TRIM77: variants seen among roughly 807,000 people sequenced by gnomAD.
TRIM77 encodes the protein tripartite motif-containing protein 77.
In TRIM77, 23 loss-of-function variants were observed where a neutral mutation model predicts 31.8. That is an observed-to-expected ratio of 0.72 (90% CI 0.52 to 1.02). TRIM77 has a LOEUF of 1.02. Among genes scored for constraint, TRIM77 ranks in the 50% least tolerant of loss-of-function variants. The pLI is 0.00. For synonymous variants in TRIM77, 159 were observed against 183.1 expected (o/e 0.87, Z 1.06); for missense variants, 446 against 539.2 (o/e 0.83, Z 1.71).
chr11:89,713,637 G>A (rs1488096362), intron 2 of TRIM77, among the ~76,000 whole-genome samples: 2 of 151,786 alleles, frequency 1.3e-5, no homozygotes, highest in African/African-American at 2.4e-5. Flanking sequence ...CAAACAATAG[G>A]GACAGAGACA....
intron 4 of TRIM77, 58 bp downstream of exon 4, chr11:89,715,238 G>C: frequency 6.7e-7 from 1 of 1,488,088 alleles, no homozygotes; most frequent in Non-Finnish European, 9.2e-7. Context: ...GGCTGTTTCT[G>C]CTGGGATCGA....
chr11:89,714,320 CAA>C lies in TRIM77; in HGVS notation c.637_638del (p.Lys213GlufsTer5). On this transcript the variant is annotated frameshift_variant, in exon 3 of 6. Transcript: ENST00000398290. LOFTEE classifies it high-confidence loss of function. The stretch of plus-strand genomic sequence containing the variant: ...AAGGCAGGATAATTTTTCAGCAACT[CAA>C]GAGAAGTCAAACTAGAATGGCTAAG... ...REGRIIFQQLKRSQTRMAKMG... is the reference protein window; with the variant it reads ...REGRIIFQQLXRSQTRMAKMG... 1.9e-6 allele frequency: 3 copies of C among 1,551,676 alleles called. No homozygotes were observed. Among genetic ancestry groups the C allele is most frequent in the Non-Finnish European group, 2.6e-6 (3 of 1,146,980 alleles).
chr11:89,714,270 A>C lies in TRIM77; in HGVS notation c.586A>C (p.Lys196Gln). 10 of 1,551,734 alleles carry C rather than the reference A, an allele frequency of 6.4e-6. No individual in the cohort carries two copies. Among genetic ancestry groups the C allele is most frequent in the Non-Finnish European group, 8.7e-6 (10 of 1,146,996 alleles). Residue 196 changes from lysine to glutamine, a missense_variant, in exon 3 of 6, where the codon AAG (lysine) becomes CAG (glutamine). Physicochemically the swap from Lys to Gln is moderately conservative, Grantham distance 53. Transcript: ENST00000398290. The part of the protein sequence containing the change: ...VCQYLREEEQ[K>Q]HVESLAREGR... Reference sequence around the variant, plus strand: ...TCAATACCTCCGTGAAGAAGAGCAAAAGCACGTAGAGAGCCTGGCAAGAGA... The same window carrying C: ...TCAATACCTCCGTGAAGAAGAGCAACAGCACGTAGAGAGCCTGGCAAGAGA...
chr11:89,714,492 T>C (rs1038284355), intron 3 of TRIM77, 70 bp downstream of exon 3: 1 of 1,034,212 alleles, frequency 9.7e-7, no homozygotes, highest in Non-Finnish European at 1.4e-6. Context: ...AGAGTCTATA[T>C]CCTTTTTGAT....
rs567693439 is a variant in TRIM77, at chr11:89,717,558, G to A, written c.1039G>A (p.Val347Met). Residue 347 changes from valine to methionine, a missense_variant, in exon 6 of 6, where the codon GTG becomes ATG. Transcript: ENST00000398290. ...SSGKHYWEVD[V>M]KDSCNWVIGL... is the part of the protein sequence containing the mutation. ...TGGCAAACATTACTGGGAGGTGGAT[G>A]TGAAAGACTCTTGTAATTGGGTTAT... 6.4e-7 allele frequency: 1 copy of A among 1,551,572 alleles called. No individual in the cohort carries two copies. Among genetic ancestry groups the A allele is most frequent in the Admixed American group, 2.0e-5 (1 of 50,978 alleles).
chr11:89,711,390 T>C lies in TRIM77; in HGVS notation c.412-20T>C, dbSNP rs1949121159. The C allele has an allele frequency of 7.9e-7, 1 of 1,271,626 alleles. No individual in the cohort carries two copies. The highest frequency in any genetic ancestry group is 1.1e-6 in the Non-Finnish European group (1 of 918,372). 78.8% of individuals were successfully genotyped at this position (1,271,626 alleles called of 1,614,324 possible). Reference sequence around the variant, plus strand: ...TATATTTTCTTTTCTAGTGCTCAGATTTATAGTTTTGTTTTTCAGAAGAAA... The same window carrying C: ...TATATTTTCTTTTCTAGTGCTCAGACTTATAGTTTTGTTTTTCAGAAGAAA... On this transcript the variant is annotated intron_variant, in intron 1 of 5. Transcript: ENST00000398290.
intron 5 of TRIM77, among the ~76,000 whole-genome samples, chr11:89,716,407 T>C (rs1364714109): frequency 6.6e-6 from 1 of 152,142 alleles, no homozygotes; most frequent in Non-Finnish European, 1.5e-5. Context: ...GATTGAAGTT[T>C]TAAGGAATAC....
In TRIM77 at chr11:89,717,614, G is replaced by T. The variant is rs1027747741; in HGVS notation, c.1095G>T (p.Arg365Ser). The change falls in exon 6 of 6, where the codon AGG becomes AGT. Residue 365 changes from arginine (R) to serine (S), a missense_variant. Arg to Ser is a moderately radical substitution (Grantham distance 110, BLOSUM62 -1). Coordinates refer to ENST00000398290, the MANE Select transcript of TRIM77 (RefSeq NM_001146162.1). The part of the protein sequence containing the change: ...IGLCREAWTK[R>S]NDMRLDSEGI... ...TTTGCAGAGAAGCCTGGACAAAGAG[G>T]AATGACATGCGACTTGACTCTGAGG... The T allele has an allele frequency of 2.6e-6, 4 of 1,551,300 alleles. No individual in the cohort carries two copies. In the Admixed American group the frequency reaches 7.8e-5, roughly 30 times the overall value.
intron 5 of TRIM77, among the ~76,000 whole-genome samples, chr11:89,717,011 A>C (rs904386510): frequency 6.6e-6 from 1 of 151,838 alleles, no homozygotes; most frequent in Non-Finnish European, 1.5e-5. Context: ...ATTTTCTTTC[A>C]TCTTAGTTGC....
chr11:89,715,190 C>T lies in TRIM77; in HGVS notation c.761+10C>T, dbSNP rs1253147147. On this transcript the variant is annotated intron_variant, in intron 4 of 5. Coordinates refer to ENST00000398290, the MANE Select transcript of TRIM77 (RefSeq NM_001146162.1). ...GAGACGTAATGAAAAGGTAAGTTTGCCCCTCTATCCAAGTCCTGGTAATTG... is the reference window on the plus strand; with the variant it reads ...GAGACGTAATGAAAAGGTAAGTTTGTCCCTCTATCCAAGTCCTGGTAATTG... 1 of 1,551,212 alleles carries T rather than the reference C, an allele frequency of 6.4e-7. No individual in the cohort carries two copies. The highest frequency in any genetic ancestry group is 1.2e-5 in the South Asian group (1 of 84,026).
chr11:89,710,374 G>C lies in TRIM77; in HGVS notation c.76G>C (p.Val26Leu), dbSNP rs780885434. 183 of 1,551,920 alleles carry C rather than the reference G, an allele frequency of 1.2e-4. 1 individual carries two copies. The highest frequency in any genetic ancestry group is 3.5e-6 in the Non-Finnish European group (4 of 1,147,038). The change falls in exon 1 of 6, where the codon GTC becomes CTC. Residue 26 changes from valine to leucine, a missense_variant. Val to Leu is a conservative substitution (Grantham distance 32). Transcript: ENST00000398290. Reference protein sequence around the residue: ...SICTDYLTDPVTICCGHRFCS... With the variant: ...SICTDYLTDPLTICCGHRFCS... Reference sequence around the variant, plus strand: ...CTGCACAGACTATTTGACAGACCCTGTCACCATTTGTTGTGGGCACAGATT... The same window carrying C: ...CTGCACAGACTATTTGACAGACCCTCTCACCATTTGTTGTGGGCACAGATT...
In TRIM77 at chr11:89,715,950, C is replaced by A. The variant is rs1267699538; in HGVS notation, c.822C>A (p.Thr274=). The A allele has an allele frequency of 6.5e-7, 1 of 1,548,210 alleles. No individual in the cohort carries two copies. The highest frequency in any genetic ancestry group is 2.4e-5 in the East Asian group (1 of 40,826). Residue 274 remains threonine, a synonymous_variant, in exon 5 of 6, where the codon ACC becomes ACA. Coordinates refer to ENST00000398290, the MANE Select transcript of TRIM77 (RefSeq NM_001146162.1). ...TGAACCCACAGCTCAGTGCATGGAC[C>A]ATCACTGGGGTGTCAGAAAGGCTTA... ...QPVNPQLSAW[T]ITGVSERLNF...
At chr11:89,714,066 T>C in intron 2 of TRIM77, 126 bp from the exon 3 acceptor site, 1 of 641,818 alleles carries the variant, frequency 1.6e-6, no homozygotes. Context: ...ATACTGTATT[T>C]GAAGTGGAAA....
intron 2 of TRIM77, among the ~76,000 whole-genome samples, chr11:89,712,171 C>T (rs188043774): frequency 1.1e-3 from 167 of 152,270 alleles, no homozygotes; most frequent in African/African-American, 3.1e-3. Flanking sequence ...TCAAAGATCT[C>T]AAGCACTTCT....
Position 89,717,396 on chromosome 11 carries a change from C to T in TRIM77, c.877C>T (p.Arg293Cys), listed in dbSNP as rs772259642. The change falls in exon 6 of 6, where the codon CGT becomes TGT. Residue 293 changes from arginine to cysteine, a missense_variant. Coordinates refer to ENST00000398290, the MANE Select transcript of TRIM77 (RefSeq NM_001146162.1). ...TGCCATAGTGTATATCACCTTGGAT[C>T]GTAAGATATGCAGTAATCACAAGCT... ...NFFRVYITLD[R>C]KICSNHKLLF... is the part of the protein sequence containing the mutation. 26 of 1,549,490 alleles carry T rather than the reference C, an allele frequency of 1.7e-5. No homozygotes were observed. Among genetic ancestry groups the T allele is most frequent in the Middle Eastern group, 1.7e-4 (1 of 5,968 alleles).
chr11:89,713,568 T>A (rs1226928199), intron 2 of TRIM77, among the ~76,000 whole-genome samples: 1 of 148,180 alleles, frequency 6.7e-6, no homozygotes, highest in Non-Finnish European at 1.5e-5. Context: ...AGACAGAAAA[T>A]CAAAGACAAG....
chr11:89,711,860 T>A (rs1315861630), intron 2 of TRIM77, among the ~76,000 whole-genome samples: 3 of 152,066 alleles, frequency 2.0e-5, no homozygotes, highest in Admixed American at 1.3e-4. Context: ...TAGGTGAAAA[T>A]CAATCTGATG....
In TRIM77 at chr11:89,714,224, TG is replaced by T. The variant is rs779733192; in HGVS notation, c.541del (p.Ala181LeufsTer18). ...FINLRSMMIS[A>X]EYPKVCQYLR... ...TAAATTTGCGGAGCATGATGATCAGTGCTGAATATCCTAAGGTGTGTCAATA... is the reference window on the plus strand; with the variant it reads ...TAAATTTGCGGAGCATGATGATCAGTCTGAATATCCTAAGGTGTGTCAATA... On this transcript the variant is annotated frameshift_variant, in exon 3 of 6. Coordinates refer to ENST00000398290, the MANE Select transcript of TRIM77 (RefSeq NM_001146162.1). LOFTEE classifies it high-confidence loss of function. 4 of 1,551,584 alleles carry T rather than the reference TG, an allele frequency of 2.6e-6. No individual in the cohort carries two copies. Among genetic ancestry groups the T allele is most frequent in the Non-Finnish European group, 2.6e-6 (3 of 1,146,928 alleles).
intron 2 of TRIM77, 30 bp from the exon 3 acceptor site, chr11:89,714,162 C>G (rs1565425950): frequency 7.0e-7 from 1 of 1,436,566 alleles, no homozygotes; most frequent in Non-Finnish European, 9.5e-7. Context: ...CACTTAGACA[C>G]ATGATTTAAT....
Sources: allele counts gnomAD v4.1 joint callset (sites outside exome capture counted in the v4.1 genomes callset), GRCh38; gene constraint gnomAD v4.1.1; transcripts MANE v1.5; gene names NCBI Gene and HGNC (gene_info 2026-07-23, HGNC 2026-07-21).